The following DPYD variants were observed in gnomAD, a reference collection of about 807,000 sequenced individuals.
The protein encoded by DPYD is dihydropyrimidine dehydrogenase.
Under a neutral mutation model 116.2 loss-of-function variants are expected in DPYD, and 109 were observed. That is an observed-to-expected ratio of 0.94 (90% CI 0.80 to 1.10). The LOEUF is 1.10. Ranked by LOEUF, DPYD falls within the 50% of genes least tolerant of loss-of-function variation. DPYD has a pLI of 0.00. For synonymous variants in DPYD, 440 were observed against 432.0 expected, an observed-to-expected ratio of 1.02 and a Z score of -0.23; for missense variants, 1,302 against 1,254.5, an observed-to-expected ratio of 1.04 and a Z score of -0.57.
chr1:97,097,920 A>G (rs1449474992), intron 21 of DPYD, among the ~76,000 whole-genome samples: 1 of 152,168 alleles, frequency 6.6e-6, no homozygotes, highest in African/African-American at 2.4e-5. Context: ...ATGTGAATCT[A>G]CATTTCTGTC....
chr1:97,417,002 T>G (rs1674324426), intron 14 of DPYD, among the ~76,000 whole-genome samples: 2 of 152,218 alleles, frequency 1.3e-5, no homozygotes, highest in African/African-American at 2.4e-5. Flanking sequence ...TTCCCCTGCT[T>G]GCTAGCTGGA....
intron 19 of DPYD, among the ~76,000 whole-genome samples, chr1:97,223,090 C>A (rs1348343568): frequency 1.3e-5 from 2 of 152,010 alleles, no homozygotes; most frequent in African/African-American, 4.8e-5. Context: ...GGTAATGCAT[C>A]CATCTGCACT....
At chr1:97,399,079 G>A (rs149906100) in intron 14 of DPYD, among the ~76,000 whole-genome samples, 38,799 of 151,924 alleles carry the variant, frequency 0.26, 5,238 homozygotes, top group Middle Eastern at 0.37. Flanking sequence ...TATGGTTTTA[G>A]GTCTAACATG....
chr1:97,729,464 C>T (rs1253589407), intron 4 of DPYD, among the ~76,000 whole-genome samples: 1 of 152,040 alleles, frequency 6.6e-6, no homozygotes, highest in Non-Finnish European at 1.5e-5. Flanking sequence ...CACTCTACCC[C>T]TTTAGGCTTT....
intron 18 of DPYD, among the ~76,000 whole-genome samples, chr1:97,296,478 G>A (rs988725186): frequency 1.6e-4 from 25 of 151,858 alleles, no homozygotes; most frequent in Non-Finnish European, 2.5e-4. Flanking sequence ...AATATGTCTC[G>A]ATAGATACAT....
Position 97,760,151 on chromosome 1 carries a change from G to C in DPYD, c.234-19672C>G, listed in dbSNP as rs186384621. Among the ~76,000 whole-genome samples, 51 of 152,276 alleles carry C rather than the reference G, an allele frequency of 3.3e-4. No individual in the cohort carries two copies. In the East Asian group the frequency reaches 9.8e-3, roughly 29 times the overall value. ...GGGAAAATCTCTGTTCCTCGGAAGAGTTAGGATAACAGATACCTGAGAGAG... is the reference window on the plus strand; with the variant it reads ...GGGAAAATCTCTGTTCCTCGGAAGACTTAGGATAACAGATACCTGAGAGAG... On this transcript the variant is annotated intron_variant, in intron 3 of 22. Coordinates refer to ENST00000370192, the MANE Select transcript of DPYD (RefSeq NM_000110.4).
At chr1:97,364,180 G>C (rs1320332726) in intron 16 of DPYD, among the ~76,000 whole-genome samples, 1 of 152,186 alleles carries the variant, frequency 6.6e-6, no homozygotes, top group African/African-American at 2.4e-5. Flanking sequence ...GTTGTTTACA[G>C]TTTTGGTGTG....
chr1:97,102,468 T>TATCTATCTATCTATC (rs1254545835), intron 20 of DPYD, among the ~76,000 whole-genome samples: 2 of 103,098 alleles, frequency 1.9e-5, no homozygotes, highest in African/African-American at 3.7e-5. Flanking sequence ...ATTATCTATC[T>TATCTATCTATCTATC]ATCTATCTAT....
intron 18 of DPYD, among the ~76,000 whole-genome samples, chr1:97,267,577 TG>T (rs2100876713): frequency 6.6e-6 from 1 of 152,212 alleles, no homozygotes; most frequent in South Asian, 2.1e-4. Context: ...GAGATTGAAC[TG>T]GCAGCCTCAA....
At chr1:97,727,316 G>T (rs1277954701) in intron 4 of DPYD, among the ~76,000 whole-genome samples, 1 of 151,734 alleles carries the variant, frequency 6.6e-6, no homozygotes, top group Non-Finnish European at 1.5e-5. Flanking sequence ...TTGGTGTAAT[G>T]ACTTGGCAAT....
At chr1:97,829,970 T>G (rs538594358) in intron 2 of DPYD, among the ~76,000 whole-genome samples, 1 of 151,612 alleles carries the variant, frequency 6.6e-6, no homozygotes, top group East Asian at 2.0e-4. Context: ...CATTGGTCAA[T>G]TCTCACCTAT....
At chr1:97,758,993 A>T (rs1437552023) in intron 3 of DPYD, among the ~76,000 whole-genome samples, 1 of 152,164 alleles carries the variant, frequency 6.6e-6, no homozygotes. Flanking sequence ...AATCATGAGA[A>T]TCCAATAAAG....
At position 97,214,770 on chromosome 1, in the gene DPYD, G is replaced by T. The variant is rs989915252; in HGVS notation, c.2442+20082C>A. 2.6e-5 allele frequency among the ~76,000 whole-genome samples: 4 copies of T among 152,180 alleles called. No individual in the cohort carries two copies. In the South Asian group the frequency reaches 8.3e-4, roughly 32 times the overall value. On this transcript the variant is annotated intron_variant, in intron 19 of 22. Transcript: ENST00000370192. ...CTGGAGTTGTTCCACGTGGCCAGTT[G>T]GCTGTCTTGTCTCACTGAAGCTTGT...
chr1:97,788,345 G>T (rs1318031022), intron 3 of DPYD, among the ~76,000 whole-genome samples: 2 of 152,126 alleles, frequency 1.3e-5, no homozygotes, highest in Non-Finnish European at 2.9e-5. Context: ...CCTCTAGGCT[G>T]TAAGATATTA....
At chr1:97,572,532 T>A (rs1388961341) in intron 11 of DPYD, among the ~76,000 whole-genome samples, 1 of 151,958 alleles carries the variant, frequency 6.6e-6, no homozygotes, top group Non-Finnish European at 1.5e-5. Flanking sequence ...TGATTCAACA[T>A]TTTACTCAAT....
At chr1:97,267,490 T>G (rs1664312832) in intron 18 of DPYD, among the ~76,000 whole-genome samples, 1 of 152,154 alleles carries the variant, frequency 6.6e-6, no homozygotes, top group Non-Finnish European at 1.5e-5. Context: ...TCAAGGGGCC[T>G]GCATCTGGTG....
intron 12 of DPYD, chr1:97,547,036 CCA>C (rs1650928734): frequency 7.7e-7 from 1 of 1,292,926 alleles, no homozygotes; most frequent in Non-Finnish European, 1.1e-6. Flanking sequence ...TTATCATAAA[CCA>C]GAAACAGTAC....
At position 97,666,969 on chromosome 1, in the gene DPYD, G is replaced by A. The variant is rs187804993; in HGVS notation, c.850+12126C>T. On this transcript the variant is annotated intron_variant, in intron 8 of 22. Coordinates refer to ENST00000370192, the MANE Select transcript of DPYD (RefSeq NM_000110.4). ...ACTAATGTTCTTAAGTAATTTTTTG[G>A]TGCATCATCTGCTGAGCAAATCCGC... is the stretch of plus-strand genomic sequence containing the variant. Among the ~76,000 whole-genome samples, 601 of 152,118 alleles carry A rather than the reference G, an allele frequency of 4.0e-3. 2 individuals carry two copies. The highest frequency in any genetic ancestry group is 6.8e-3 in the Middle Eastern group (2 of 294).
At chr1:97,496,134 A>G (rs959291448) in intron 13 of DPYD, among the ~76,000 whole-genome samples, 1 of 151,970 alleles carries the variant, frequency 6.6e-6, no homozygotes, top group African/African-American at 2.4e-5. Flanking sequence ...GTTTTTCCTA[A>G]CTTCTCTCTT....
Sources: gnomAD v4.1 joint callset for allele counts (sites outside exome capture counted in the v4.1 genomes callset) on GRCh38, gnomAD v4.1.1 for gene constraint, MANE v1.5 for transcripts, NCBI Gene and HGNC (gene_info 2026-07-23, HGNC 2026-07-21) for gene names.